The following ANKRD34B variants were observed in gnomAD, a reference collection of about 807,000 sequenced individuals.
ANKRD34B encodes ankyrin repeat domain-containing protein 34B.
Under a neutral mutation model 4.4 loss-of-function variants are expected in ANKRD34B, and 2 were observed. The ratio of observed to expected loss-of-function variants is 0.46; its 90% CI spans 0.19 to 1.44. ANKRD34B has a LOEUF of 1.44. Ranked by LOEUF, ANKRD34B falls within the 40% of genes most tolerant of loss-of-function variation. The probability of loss-of-function intolerance (pLI) is 0.26; values close to 1 mark genes in which losing one functional copy is unlikely to be tolerated. For synonymous variants in ANKRD34B, 226 were observed against 227.1 expected (o/e 0.99, Z 0.05); for missense variants, 558 against 604.7 (o/e 0.92, Z 0.81).
intron 1 of ANKRD34B, among the ~76,000 whole-genome samples, chr5:80,569,788 T>C (rs1158683999): frequency 2.6e-5 from 4 of 152,054 alleles, no homozygotes; most frequent in Non-Finnish European, 5.9e-5. Context: ...GGAACCCGCA[T>C]CCCCGCGGAG....
chr5:80,568,952 A>AGG lies in ANKRD34B; in HGVS notation c.-191+6_-191+7dup. ...GAGAGAGAGAGAGAGAGAGAGAGAG[A>AGG]GGCCAACCTAGTCCTCCAAGTCTCA... is the stretch of plus-strand genomic sequence containing the variant. On this transcript the variant is annotated splice_region_variant and intron_variant, in intron 2 of 4. Transcript: ENST00000338682. The AGG allele has an allele frequency of 6.7e-6, 1 of 148,980 alleles. No individual in the cohort carries two copies. Among genetic ancestry groups the AGG allele is most frequent in the African/African-American group, 2.5e-5 (1 of 40,242 alleles). The allele number at this position is 148,980 out of a possible 1,614,324, so 9.2% of individuals were successfully genotyped here. A position where few individuals can be genotyped will look rare whatever the true frequency, so the allele number is the denominator to read the frequency against.
chr5:80,570,268 G>C lies in ANKRD34B; in HGVS notation c.-453C>G, dbSNP rs556245161. 3.2e-4 allele frequency: 48 copies of C among 152,342 alleles called. No homozygotes were observed. The highest frequency in any genetic ancestry group is 1.2e-3 in the African/African-American group (48 of 41,578). 9.4% of individuals were successfully genotyped at this position (152,342 alleles called of 1,614,324 possible). A position where few individuals can be genotyped will look rare whatever the true frequency, so the allele number is the denominator to read the frequency against. On this transcript the variant is annotated 5_prime_UTR_variant, in exon 1 of 5. Coordinates refer to ENST00000338682, the MANE Select transcript of ANKRD34B (RefSeq NM_001004441.3). Reference sequence around the variant, plus strand: ...GCTGAGCTGTGGTCTTCGGCTCCTCGGCGCCTCGAATCGCAGATCTCGGTA... The same window carrying C: ...GCTGAGCTGTGGTCTTCGGCTCCTCCGCGCCTCGAATCGCAGATCTCGGTA...
chr5:80,562,540 C>T (rs1420366846), intron 4 of ANKRD34B, among the ~76,000 whole-genome samples: 1 of 152,204 alleles, frequency 6.6e-6, no homozygotes, highest in East Asian at 1.9e-4. Context: ...CAGCCTGCTT[C>T]CCCAGCTTGG....
At position 80,559,417 on chromosome 5, in the gene ANKRD34B, A is replaced by T; in HGVS notation, c.603T>A (p.Ser201=). ...CAAAAAGCGTCAGTTCCGTTTCAGA[A>T]GAATGTGAAAGTGGCGATGAGGCAG... ...IKTASSPLSH[S]SETELTLFGF... Residue 201 remains serine (S), a synonymous_variant, in exon 5 of 5, where the codon TCT becomes TCA. Coordinates refer to ENST00000338682, the MANE Select transcript of ANKRD34B (RefSeq NM_001004441.3). The T allele has an allele frequency of 6.2e-7, 1 of 1,614,246 alleles. No homozygotes were observed. The highest frequency in any genetic ancestry group is 2.2e-5 in the East Asian group (1 of 44,888).
chr5:80,560,010 C>T lies in ANKRD34B; in HGVS notation c.10G>A (p.Gly4Ser), dbSNP rs1226808065. 6.3e-7 allele frequency: 1 copy of T among 1,578,552 alleles called. No individual in the cohort carries two copies. Among genetic ancestry groups the T allele is most frequent in the Admixed American group, 1.8e-5 (1 of 54,616 alleles). ...TTTCCTTCACTTGAAATTTCCATAC[C>T]TTCATCCATCTTCGGAGGTTAGAAC... MDE[G>S]MEISSEGNSL... The change falls in exon 5 of 5, where the codon GGT becomes AGT. Residue 4 changes from glycine (G) to serine (S), a missense_variant. Coordinates refer to ENST00000338682, the MANE Select transcript of ANKRD34B (RefSeq NM_001004441.3).
chr5:80,559,266 G>A lies in ANKRD34B; in HGVS notation c.754C>T (p.Pro252Ser). The A allele has an allele frequency of 6.2e-7, 1 of 1,614,170 alleles. No individual in the cohort carries two copies. Residue 252 changes from proline to serine, a missense_variant, in exon 5 of 5, where the codon CCC (proline) becomes TCC (serine). By Grantham distance (74) the Pro-to-Ser change is moderately conservative. Transcript: ENST00000338682. ...CTGTTCTGGTGCATTAATAATGGGGGACTCTTGACCCAGGGTGGAGCGTGG... is the reference window on the plus strand; with the variant it reads ...CTGTTCTGGTGCATTAATAATGGGGAACTCTTGACCCAGGGTGGAGCGTGG... ...LPHAPPWVKSPPLLMHQNRVA... is the reference protein window; with the variant it reads ...LPHAPPWVKSSPLLMHQNRVA...
intron 3 of ANKRD34B, among the ~76,000 whole-genome samples, chr5:80,565,369 A>G (rs964129450): frequency 6.6e-6 from 1 of 152,252 alleles, no homozygotes; most frequent in African/African-American, 2.4e-5. Context: ...ACTAACATCC[A>G]GTCAATCCCT....
intron 1 of ANKRD34B, 26 bp downstream of exon 1, chr5:80,570,128 C>T (rs1580484336): frequency 6.6e-6 from 1 of 152,382 alleles, no homozygotes; most frequent in East Asian, 1.9e-4. Context: ...CAAGTGCAGC[C>T]GGCAGGGACG....
chr5:80,566,404 G>A (rs1242171382), intron 3 of ANKRD34B, among the ~76,000 whole-genome samples: 3 of 152,142 alleles, frequency 2.0e-5, no homozygotes, highest in African/African-American at 7.2e-5. Context: ...CACTTTCCTA[G>A]GCAAGAAAAT....
At chr5:80,562,564 G>A (rs944362369) in intron 4 of ANKRD34B, among the ~76,000 whole-genome samples, 2 of 152,200 alleles carry the variant, frequency 1.3e-5, no homozygotes, top group Non-Finnish European at 1.5e-5. Context: ...CGAGGAGGCC[G>A]GCAGCCACGC....
intron 3 of ANKRD34B, chr5:80,564,603 C>T (rs1221193403): frequency 6.6e-6 from 1 of 152,094 alleles, no homozygotes; most frequent in African/African-American, 2.4e-5. Context: ...GGCAGACCCT[C>T]TCCTCTGAGG....
chr5:80,558,353 C>G lies in ANKRD34B; in HGVS notation c.*122G>C. The G allele has an allele frequency of 1.4e-6, 1 of 727,108 alleles. No homozygotes were observed. The highest frequency in any genetic ancestry group is 2.2e-6 in the Non-Finnish European group (1 of 453,968). The allele number at this position is 727,108 out of a possible 1,614,324, so 45.0% of individuals were successfully genotyped here. On this transcript the variant is annotated 3_prime_UTR_variant, in exon 5 of 5. Coordinates refer to ENST00000338682, the MANE Select transcript of ANKRD34B (RefSeq NM_001004441.3). ...GTACAAATCACATTACATTTTAATC[C>G]ATCTAGCCATTATGGACTAACCAAT...
intron 4 of ANKRD34B, among the ~76,000 whole-genome samples, chr5:80,562,234 G>C (rs1479319012): frequency 1.3e-5 from 2 of 152,062 alleles, no homozygotes; most frequent in Non-Finnish European, 2.9e-5. Flanking sequence ...TTTATATGCA[G>C]AATGTCAGCT....
At chr5:80,563,916 G>T (rs1746484017) in intron 3 of ANKRD34B, 101 bp from the exon 4 acceptor site, 1 of 152,162 alleles carries the variant, frequency 6.6e-6, no homozygotes, top group Non-Finnish European at 1.5e-5. Context: ...GTAGAGAAAT[G>T]AGCTGGAATG....
At chr5:80,566,445 G>T (rs376641933) in intron 3 of ANKRD34B, among the ~76,000 whole-genome samples, 18 of 152,242 alleles carry the variant, frequency 1.2e-4, no homozygotes, top group East Asian at 1.2e-3. Flanking sequence ...GATCAGAAAG[G>T]CTCCAAACTT....
intron 2 of ANKRD34B, 35 bp downstream of exon 2, chr5:80,568,925 C>CACACACAGAGAGAGAGAGAG: frequency 1.6e-4 from 8 of 49,896 alleles, no homozygotes; most frequent in African/African-American, 2.7e-4. Flanking sequence ...CACACACACA[C>CACACACAGAGAGAGAGAGAG]AGAGAGAGAG....
In ANKRD34B at chr5:80,559,017, A is replaced by AT; in HGVS notation, c.1002dup (p.Cys335MetfsTer3). On this transcript the variant is annotated frameshift_variant, in exon 5 of 5. Coordinates refer to ENST00000338682, the MANE Select transcript of ANKRD34B (RefSeq NM_001004441.3). LOFTEE classifies it low-confidence loss of function (END_TRUNC). ...TCCTGGTCAACAGGGACTTCAATGC[A>AT]TTGCTGATTTCCTTCTGAAAGATAA... 2 of 1,614,178 alleles carry AT rather than the reference A, an allele frequency of 1.2e-6. No homozygotes were observed. Among genetic ancestry groups the AT allele is most frequent in the Non-Finnish European group, 1.7e-6 (2 of 1,180,024 alleles).
chr5:80,564,078 CTCTT>C (rs1347097549), intron 3 of ANKRD34B, among the ~76,000 whole-genome samples: 2 of 152,192 alleles, frequency 1.3e-5, no homozygotes, highest in African/African-American at 4.8e-5. Flanking sequence ...ATATTATACT[CTCTT>C]AGAGTTTCTA....
At chr5:80,561,771 T>A (rs1350378697) in intron 4 of ANKRD34B, among the ~76,000 whole-genome samples, 1 of 152,182 alleles carries the variant, frequency 6.6e-6, no homozygotes, top group Non-Finnish European at 1.5e-5. Flanking sequence ...GAGAAATAGA[T>A]AATACTCCTT....
Sources: gnomAD v4.1 joint callset for allele counts (sites outside exome capture counted in the v4.1 genomes callset) on GRCh38, gnomAD v4.1.1 for gene constraint, MANE v1.5 for transcripts, NCBI Gene and HGNC (gene_info 2026-07-23, HGNC 2026-07-21) for gene names.